MAPK4: variants seen among roughly 807,000 people sequenced by gnomAD.
MAPK4 encodes the protein Erk3-related.
MAPK4 carries 22 observed loss-of-function variants against 47.7 expected under a neutral mutation model. The observed-to-expected ratio is 0.46, with a 90% confidence interval of 0.33 to 0.66. The LOEUF is 0.66. Ranked by LOEUF, MAPK4 falls within the 30% of genes least tolerant of loss-of-function variation. The pLI is 0.02. For missense variants in MAPK4, 736 were observed against 831.7 expected, an observed-to-expected ratio of 0.88 and a Z score of 1.42; for synonymous variants, 390 against 365.7, an observed-to-expected ratio of 1.07 and a Z score of -0.76.
chr18:50,593,235 A>AT (rs1484397421), intron 1 of MAPK4, among the ~76,000 whole-genome samples: 1 of 152,108 alleles, frequency 6.6e-6, no homozygotes, highest in Non-Finnish European at 1.5e-5. Context: ...GCCCCTTGCA[A>AT]TTTCTACCCT....
At chr18:50,718,309 C>G (rs149514785) in intron 3 of MAPK4, among the ~76,000 whole-genome samples, 1 of 152,200 alleles carries the variant, frequency 6.6e-6, no homozygotes, top group African/African-American at 2.4e-5. Flanking sequence ...AACCTCCACC[C>G]CCCATTTCAA....
chr18:50,621,909 C>G (rs1442991168), intron 1 of MAPK4, among the ~76,000 whole-genome samples: 1 of 152,262 alleles, frequency 6.6e-6, no homozygotes, highest in Non-Finnish European at 1.5e-5. Context: ...ATCACCATCG[C>G]TCCATGACAT....
chr18:50,612,505 C>T (rs1255889134), intron 1 of MAPK4, among the ~76,000 whole-genome samples: 2 of 152,092 alleles, frequency 1.3e-5, no homozygotes, highest in African/African-American at 4.8e-5. Flanking sequence ...CTTGTGAGGG[C>T]ATAGAACAAG....
intron 2 of MAPK4, among the ~76,000 whole-genome samples, chr18:50,708,816 A>C (rs1394275973): frequency 2.0e-5 from 3 of 152,158 alleles, no homozygotes; most frequent in Admixed American, 6.5e-5. Context: ...TGCCACTTAT[A>C]GGCTGTGTGA....
At chr18:50,609,940 C>A (rs2042617504) in intron 1 of MAPK4, among the ~76,000 whole-genome samples, 1 of 152,198 alleles carries the variant, frequency 6.6e-6, no homozygotes, top group Admixed American at 6.5e-5. Context: ...ACAGATAGGA[C>A]TTTACCAACA....
At chr18:50,612,792 A>T (rs2042650489) in intron 1 of MAPK4, among the ~76,000 whole-genome samples, 1 of 152,162 alleles carries the variant, frequency 6.6e-6, no homozygotes, top group Admixed American at 6.5e-5. Context: ...TGAGTAGTAC[A>T]CCTAGAATCT....
chr18:50,623,656 C>A (rs1382792381), intron 1 of MAPK4, among the ~76,000 whole-genome samples: 1 of 152,200 alleles, frequency 6.6e-6, no homozygotes, highest in East Asian at 1.9e-4. Flanking sequence ...TGGGGAACTG[C>A]AATACATTCT....
intron 4 of MAPK4, 48 bp from the exon 5 acceptor site, chr18:50,725,914 T>C (rs1449477922): frequency 6.8e-7 from 1 of 1,476,240 alleles, no homozygotes; most frequent in Admixed American, 1.7e-5. Flanking sequence ...CCTTCTGAGC[T>C]CAACAAGGGC....
chr18:50,727,647 A>G (rs1310301452), intron 5 of MAPK4, among the ~76,000 whole-genome samples: 2 of 152,120 alleles, frequency 1.3e-5, no homozygotes, highest in Admixed American at 1.3e-4. Context: ...CGACTGTGGC[A>G]TAGGGTTGTG....
chr18:50,723,644 C>A (rs1598959455), intron 4 of MAPK4, among the ~76,000 whole-genome samples: 1 of 152,184 alleles, frequency 6.6e-6, no homozygotes, highest in Non-Finnish European at 1.5e-5. Context: ...GGGCAGACCT[C>A]TTGAGCCCAG....
chr18:50,592,213 A>T (rs2042442281), intron 1 of MAPK4, among the ~76,000 whole-genome samples: 1 of 152,206 alleles, frequency 6.6e-6, no homozygotes. Context: ...AGATAAAGAA[A>T]CAGCCAGAAG....
chr18:50,701,408 A>G (rs545425007), intron 2 of MAPK4, among the ~76,000 whole-genome samples: 1 of 152,318 alleles, frequency 6.6e-6, no homozygotes, highest in East Asian at 1.9e-4. Flanking sequence ...GGCTATTGCC[A>G]TTCAGACTTT....
chr18:50,690,679 GAAGGAA>G (rs1909163384), intron 2 of MAPK4, among the ~76,000 whole-genome samples: 3 of 152,224 alleles, frequency 2.0e-5, no homozygotes, highest in Admixed American at 2.0e-4. Context: ...TGGAGACAGG[GAAGGAA>G]AGACGGGAAG....
At chr18:50,610,980 A>G (rs1238160982) in intron 1 of MAPK4, among the ~76,000 whole-genome samples, 1 of 152,058 alleles carries the variant, frequency 6.6e-6, no homozygotes, top group African/African-American at 2.4e-5. Flanking sequence ...TACTTAGGTC[A>G]CCAACTATTT....
At chr18:50,696,828 C>T (rs546129133) in intron 2 of MAPK4, among the ~76,000 whole-genome samples, 23 of 152,280 alleles carry the variant, frequency 1.5e-4, no homozygotes, top group African/African-American at 5.5e-4. Flanking sequence ...GGGTTGAGGT[C>T]CTGGGACATA....
intron 5 of MAPK4, among the ~76,000 whole-genome samples, chr18:50,728,318 C>T (rs955937294): frequency 6.6e-6 from 1 of 152,250 alleles, no homozygotes; most frequent in Admixed American, 6.5e-5. Flanking sequence ...TAGCTGACTT[C>T]ACTCTCCATG....
At chr18:50,590,727 G>T (rs534886071) in intron 1 of MAPK4, among the ~76,000 whole-genome samples, 1 of 152,304 alleles carries the variant, frequency 6.6e-6, no homozygotes, top group Admixed American at 6.5e-5. Context: ...TATGAGCTGT[G>T]CAGAGACAGA....
chr18:50,673,872 C>T (rs1327281118), intron 2 of MAPK4, among the ~76,000 whole-genome samples: 4 of 152,164 alleles, frequency 2.6e-5, no homozygotes. Context: ...AACAAAAATG[C>T]TGAATTTACC....
chr18:50,661,005 A>G (rs192523485), intron 1 of MAPK4, among the ~76,000 whole-genome samples: 6 of 152,208 alleles, frequency 3.9e-5, no homozygotes, highest in Non-Finnish European at 8.8e-5. Context: ...TTATTCGCTG[A>G]TTATCTGCAT....
Sources: gnomAD v4.1 joint callset for allele counts (sites outside exome capture counted in the v4.1 genomes callset) on GRCh38, gnomAD v4.1.1 for gene constraint, MANE v1.5 for transcripts, NCBI Gene and HGNC (gene_info 2026-07-23, HGNC 2026-07-21) for gene names.